Variants in VPS13B observed in about 807,000 individuals in gnomAD.
The protein encoded by VPS13B is vacuolar protein sorting 13 homolog B.
A neutral mutation model predicts 426.4 loss-of-function variants in VPS13B; 285 were observed. That is an observed-to-expected ratio of 0.67 (90% CI 0.61 to 0.74). The LOEUF is 0.74. VPS13B is among the 30% of genes least tolerant of loss of function. The pLI is 0.00. For missense variants in VPS13B, 4,537 were observed against 4,782.6 expected, an observed-to-expected ratio of 0.95 and a Z score of 1.51; for synonymous variants, 1,676 against 1,676.4, an observed-to-expected ratio of 1.00 and a Z score of 0.01.
chr8:99,589,221 A>G (rs1826470207), intron 33 of VPS13B, among the ~76,000 whole-genome samples: 2 of 151,482 alleles, frequency 1.3e-5, no homozygotes, highest in Non-Finnish European at 2.9e-5. Flanking sequence ...TATTATTATT[A>G]TACTTTAAGT....
chr8:99,312,361 C>A (rs1028007297), intron 19 of VPS13B, among the ~76,000 whole-genome samples: 2 of 152,146 alleles, frequency 1.3e-5, no homozygotes, highest in African/African-American at 2.4e-5. Flanking sequence ...TAGGGCAGGC[C>A]TGGTGGTGAC....
chr8:99,157,740 G>A (rs1232104382), intron 15 of VPS13B, among the ~76,000 whole-genome samples: 1 of 152,164 alleles, frequency 6.6e-6, no homozygotes, highest in East Asian at 1.9e-4. Flanking sequence ...CCAAGATGAG[G>A]CCAGAAAGCT....
At chr8:99,350,606 G>T (rs1171760669) in intron 19 of VPS13B, among the ~76,000 whole-genome samples, 1 of 152,056 alleles carries the variant, frequency 6.6e-6, no homozygotes, top group Non-Finnish European at 1.5e-5. Context: ...GTTAACATGG[G>T]TTTCTGATTT....
chr8:99,270,523 AT>A (rs1818535193), intron 17 of VPS13B, among the ~76,000 whole-genome samples: 1 of 152,154 alleles, frequency 6.6e-6, no homozygotes, highest in South Asian at 2.1e-4. Flanking sequence ...AATACTTATT[AT>A]TTATGATTCA....
intron 3 of VPS13B, among the ~76,000 whole-genome samples, chr8:99,075,630 G>A (rs1845078015): frequency 6.6e-6 from 1 of 152,136 alleles, no homozygotes; most frequent in Non-Finnish European, 1.5e-5. Flanking sequence ...TATGTGTTCA[G>A]GAATTTCATT....
Position 99,437,412 on chromosome 8 carries a change from A to AAT in VPS13B, c.3211-4976_3211-4975dup, listed in dbSNP as rs1554790776. Among the ~76,000 whole-genome samples, 568 of 151,020 alleles carry AAT rather than the reference A, an allele frequency of 3.8e-3. 6 individuals carry two copies. The highest frequency in any genetic ancestry group is 0.012 in the African/African-American group (509 of 41,176). On this transcript the variant is annotated intron_variant, in intron 22 of 61. Transcript: ENST00000357162. ...TGGACAGTCTTTTTTTTTAAAAAAA[A>AAT]ATATATATATATATGAACTTTGGGG...
In VPS13B at chr8:99,875,562, A is replaced by T; in HGVS notation, c.11890A>T (p.Thr3964Ser). Residue 3964 changes from threonine to serine, a missense_variant, in exon 62 of 62, where the codon ACT becomes TCT. This residue lies in a region of VPS13B where 4,311 missense variants were observed against 4,474.3 expected (regional missense o/e 0.96). Transcript: ENST00000357162. ...GGTGGCTGCAGAACCTCCCCCCTCC[A>T]CTGTTAAAACATACCATTACCTGGT... ...PVVAAEPPPS[T>S]VKTYHYLVDP... The T allele has an allele frequency of 2.5e-6, 4 of 1,614,070 alleles. No individual in the cohort carries two copies. The highest frequency in any genetic ancestry group is 3.4e-6 in the Non-Finnish European group (4 of 1,180,002).
At chr8:99,354,087 A>G (rs1812048322) in intron 19 of VPS13B, among the ~76,000 whole-genome samples, 2 of 151,978 alleles carry the variant, frequency 1.3e-5, no homozygotes, top group Non-Finnish European at 1.5e-5. Flanking sequence ...ACATGTTATA[A>G]CTACAAATAA....
chr8:99,326,164 G>C (rs532081034), intron 19 of VPS13B, among the ~76,000 whole-genome samples: 15 of 152,180 alleles, frequency 9.9e-5, no homozygotes, highest in African/African-American at 2.9e-4. Flanking sequence ...TGGGGAGATA[G>C]TGACTCAAAT....
Position 99,263,476 on chromosome 8 carries a change from A to T in VPS13B, c.2516-10722A>T, listed in dbSNP as rs184347532. Among the ~76,000 whole-genome samples, 310 of 152,316 alleles carry T rather than the reference A, an allele frequency of 2.0e-3. 3 individuals are homozygous for T. The highest frequency in any genetic ancestry group is 8.9e-3 in the Admixed American group (136 of 15,290). Reference sequence around the variant, plus strand: ...AGACTGAAATGGGTCTCAGACTAAAATCAAGGTGTCAGTTGGGCTCCTTTT... The same window carrying T: ...AGACTGAAATGGGTCTCAGACTAAATTCAAGGTGTCAGTTGGGCTCCTTTT... On this transcript the variant is annotated intron_variant, in intron 17 of 61. Transcript: ENST00000357162.
At chr8:99,447,810 C>T (rs954574774) in intron 23 of VPS13B, among the ~76,000 whole-genome samples, 2 of 151,682 alleles carry the variant, frequency 1.3e-5, no homozygotes, top group Non-Finnish European at 2.9e-5. Flanking sequence ...ACATATTTAT[C>T]GTGTTGCTGT....
At chr8:99,655,176 T>A (rs1829978132) in intron 34 of VPS13B, among the ~76,000 whole-genome samples, 1 of 152,210 alleles carries the variant, frequency 6.6e-6, no homozygotes, top group African/African-American at 2.4e-5. Flanking sequence ...CAGTCTATTT[T>A]GGCTTGCAGA....
chr8:99,628,953 C>T (rs530896224), intron 33 of VPS13B, among the ~76,000 whole-genome samples: 2 of 151,986 alleles, frequency 1.3e-5, no homozygotes, highest in Non-Finnish European at 2.9e-5. Flanking sequence ...TTTGTAGTGA[C>T]GGGATCATGC....
intron 39 of VPS13B, among the ~76,000 whole-genome samples, chr8:99,743,507 A>G (rs1175032376): frequency 5.3e-5 from 8 of 152,174 alleles, no homozygotes; most frequent in Non-Finnish European, 1.2e-4. Flanking sequence ...AAGAGCCCGC[A>G]TCGCCAAGTC....
At chr8:99,705,089 C>T (rs940140801) in intron 36 of VPS13B, among the ~76,000 whole-genome samples, 3 of 152,072 alleles carry the variant, frequency 2.0e-5, no homozygotes, top group African/African-American at 7.2e-5. Flanking sequence ...GTCAGATTCC[C>T]TCCTATTACT....
chr8:99,303,730 C>CA (rs58708195), intron 19 of VPS13B, among the ~76,000 whole-genome samples: 1,103 of 63,666 alleles, frequency 0.017, 59 homozygotes, highest in African/African-American at 0.045. Context: ...GACTCCGTCT[C>CA]AAAAAAAAAA....
chr8:99,458,731 C>G (rs1263388442), intron 23 of VPS13B, among the ~76,000 whole-genome samples: 2 of 152,184 alleles, frequency 1.3e-5, no homozygotes, highest in African/African-American at 4.8e-5. Context: ...TGAGAAGTGT[C>G]TGTTCATATC....
At chr8:99,379,247 G>T (rs1813662082) in intron 19 of VPS13B, among the ~76,000 whole-genome samples, 1 of 152,122 alleles carries the variant, frequency 6.6e-6, no homozygotes, top group Non-Finnish European at 1.5e-5. Flanking sequence ...AGTTCCTGGT[G>T]CCATAAAGAC....
chr8:99,861,154 C>G (rs1816811887), intron 57 of VPS13B, among the ~76,000 whole-genome samples: 1 of 152,192 alleles, frequency 6.6e-6, no homozygotes, highest in Non-Finnish European at 1.5e-5. Flanking sequence ...ACTGTTTTAA[C>G]CAAACCTTGA....
Sources: allele counts gnomAD v4.1 joint callset (sites outside exome capture counted in the v4.1 genomes callset), GRCh38; gene constraint gnomAD v4.1.1; regional missense constraint gnomAD v4.1.1; transcripts MANE v1.5; gene names NCBI Gene and HGNC (gene_info 2026-07-23, HGNC 2026-07-21).